CCDC85A: variants seen among roughly 807,000 people sequenced by gnomAD.
CCDC85A encodes coiled-coil domain-containing protein 85A.
In CCDC85A, 38 loss-of-function variants were observed where a neutral mutation model predicts 50.2. The ratio of observed to expected loss-of-function variants is 0.76; its 90% CI spans 0.58 to 0.99. The LOEUF (loss-of-function observed/expected upper bound fraction) is 0.99, where lower values mean the gene tolerates loss of function less well. CCDC85A is among the 50% of genes least tolerant of loss of function. The probability of loss-of-function intolerance (pLI) is 0.00; values close to 1 mark genes in which losing one functional copy is unlikely to be tolerated. For synonymous variants in CCDC85A, 366 were observed against 301.4 expected, an observed-to-expected ratio of 1.21 and a Z score of -2.22; for missense variants, 820 against 742.0, an observed-to-expected ratio of 1.11 and a Z score of -1.22.
At chr2:56,337,751 A>C (rs947904948) in intron 2 of CCDC85A, among the ~76,000 whole-genome samples, 1 of 148,630 alleles carries the variant, frequency 6.7e-6, no homozygotes, top group African/African-American at 2.5e-5. Context: ...TTTTCTCCCA[A>C]CTGCTTATAA....
At chr2:56,222,310 T>G (rs1008386548) in intron 2 of CCDC85A, among the ~76,000 whole-genome samples, 1 of 152,160 alleles carries the variant, frequency 6.6e-6, no homozygotes, top group Non-Finnish European at 1.5e-5. Context: ...AAATTTTTAA[T>G]TGACATTGTA....
At chr2:56,350,370 A>C (rs1674856562) in intron 3 of CCDC85A, among the ~76,000 whole-genome samples, 1 of 152,108 alleles carries the variant, frequency 6.6e-6, no homozygotes, top group South Asian at 2.1e-4. Context: ...TAGGAGTTCA[A>C]GACCAGCCTG....
At chr2:56,349,219 T>C (rs1045311102) in intron 3 of CCDC85A, among the ~76,000 whole-genome samples, 1 of 152,124 alleles carries the variant, frequency 6.6e-6, no homozygotes, top group Non-Finnish European at 1.5e-5. Flanking sequence ...GGAGTCATAC[T>C]TGGGAAAAAA....
intron 2 of CCDC85A, among the ~76,000 whole-genome samples, chr2:56,315,429 G>A (rs1222897983): frequency 6.6e-6 from 1 of 152,092 alleles, no homozygotes; most frequent in African/African-American, 2.4e-5. Context: ...TAATAATTTT[G>A]AGACTGAAAA....
At chr2:56,195,761 C>G (rs1049821891) in intron 2 of CCDC85A, among the ~76,000 whole-genome samples, 1 of 152,078 alleles carries the variant, frequency 6.6e-6, no homozygotes, top group Non-Finnish European at 1.5e-5. Context: ...TGACTCATTT[C>G]CAGAGTCATT....
At chr2:56,197,806 A>C (rs1676586580) in intron 2 of CCDC85A, among the ~76,000 whole-genome samples, 1 of 152,220 alleles carries the variant, frequency 6.6e-6, no homozygotes, top group African/African-American at 2.4e-5. Flanking sequence ...ATATGGGTTG[A>C]AAATTTGTGT....
At chr2:56,361,424 C>T (rs918501869) in intron 3 of CCDC85A, among the ~76,000 whole-genome samples, 1 of 152,162 alleles carries the variant, frequency 6.6e-6, no homozygotes, top group African/African-American at 2.4e-5. Context: ...GCCTCTGTCT[C>T]ATGCAGCTTA....
intron 2 of CCDC85A, among the ~76,000 whole-genome samples, chr2:56,320,402 TAAAGAA>T (rs1240848809): frequency 6.6e-6 from 1 of 151,408 alleles, no homozygotes; most frequent in Non-Finnish European, 1.5e-5. Context: ...GCAAGACTAA[TAAAGAA>T]GAAAAGAGAG....
intron 2 of CCDC85A, among the ~76,000 whole-genome samples, chr2:56,331,707 A>G (rs1464265415): frequency 6.6e-6 from 1 of 152,224 alleles, no homozygotes; most frequent in Non-Finnish European, 1.5e-5. Flanking sequence ...AGAAAATACT[A>G]AATGAAACAA....
At position 56,244,967 on chromosome 2, in the gene CCDC85A, T is replaced by C. The variant is rs1669434408; in HGVS notation, c.1240+51527T>C. Among the ~76,000 whole-genome samples the C allele has an allele frequency of 2.0e-5, 3 of 151,918 alleles. No individual in the cohort carries two copies. In the South Asian group the frequency reaches 6.2e-4, roughly 32 times the overall value. On this transcript the variant is annotated intron_variant, in intron 2 of 5. Transcript: ENST00000407595. ...TTCAGAACAAAGTCCTGTTTACTCTTCCTTCTCCTCTCCTCAAGCAGAAGG... is the reference window on the plus strand; with the variant it reads ...TTCAGAACAAAGTCCTGTTTACTCTCCCTTCTCCTCTCCTCAAGCAGAAGG...
At chr2:56,251,016 G>T (rs1473401274) in intron 2 of CCDC85A, among the ~76,000 whole-genome samples, 1 of 151,812 alleles carries the variant, frequency 6.6e-6, no homozygotes, top group Non-Finnish European at 1.5e-5. Flanking sequence ...TTGTGTGTCT[G>T]TGTTTTCCAT....
At position 56,270,976 on chromosome 2, in the gene CCDC85A, C is replaced by T. The variant is rs1407376003; in HGVS notation, c.1241-71903C>T. On this transcript the variant is annotated intron_variant, in intron 2 of 5. Transcript: ENST00000407595. Reference sequence around the variant, plus strand: ...GCTGTATTATTTCATCAAATCCTAACAACTTTTGAATTAGGATTTATATTA... The same window carrying T: ...GCTGTATTATTTCATCAAATCCTAATAACTTTTGAATTAGGATTTATATTA... Among the ~76,000 whole-genome samples, 3 of 152,264 alleles carry T rather than the reference C, an allele frequency of 2.0e-5. No homozygotes were observed. The South Asian group carries it at 6.2e-4, about 32-fold the overall frequency.
chr2:56,191,915 T>A (rs2103822628), intron 1 of CCDC85A, among the ~76,000 whole-genome samples: 1 of 152,352 alleles, frequency 6.6e-6, no homozygotes, highest in African/African-American at 2.4e-5. Flanking sequence ...GTCTGTTGTC[T>A]CAGGGCTTTT....
chr2:56,261,145 C>T (rs1670200114), intron 2 of CCDC85A, among the ~76,000 whole-genome samples: 1 of 152,154 alleles, frequency 6.6e-6, no homozygotes, highest in Non-Finnish European at 1.5e-5. Flanking sequence ...GCAACTTTCT[C>T]ATCTCTTAAG....
At chr2:56,374,335 A>C (rs1245164807) in intron 4 of CCDC85A, among the ~76,000 whole-genome samples, 1 of 152,342 alleles carries the variant, frequency 6.6e-6, no homozygotes, top group East Asian at 1.9e-4. Flanking sequence ...TTGAGGACAT[A>C]GGAGAAATGA....
rs574531091 is a variant in CCDC85A, at chr2:56,277,020, C to T, written c.1241-65859C>T. 3.2e-4 allele frequency among the ~76,000 whole-genome samples: 48 copies of T among 152,280 alleles called. No homozygotes were observed. In the South Asian group the frequency reaches 9.9e-3, roughly 32 times the overall value. On this transcript the variant is annotated intron_variant, in intron 2 of 5. Transcript: ENST00000407595. The stretch of plus-strand genomic sequence containing the variant: ...GTCTCCCAATCCTCCAAGAACAGGC[C>T]AGCTCTAAACTGCTTTGAGCTGCTG...
At chr2:56,360,232 C>T (rs1490068153) in intron 3 of CCDC85A, among the ~76,000 whole-genome samples, 1 of 152,208 alleles carries the variant, frequency 6.6e-6, no homozygotes, top group African/African-American at 2.4e-5. Flanking sequence ...ATTTTCAAGC[C>T]TCTCTGTAGC....
chr2:56,225,541 G>A (rs1487628700), intron 2 of CCDC85A, among the ~76,000 whole-genome samples: 1 of 152,104 alleles, frequency 6.6e-6, no homozygotes, highest in African/African-American at 2.4e-5. Flanking sequence ...TACTGTACCT[G>A]TGTAGTAAGT....
At chr2:56,350,838 T>TTTTA (rs1212336780) in intron 3 of CCDC85A, among the ~76,000 whole-genome samples, 3 of 151,010 alleles carry the variant, frequency 2.0e-5, no homozygotes, top group Admixed American at 6.6e-5. Flanking sequence ...TCAGTTTCTT[T>TTTTA]TTTATTTATT....
Sources: gnomAD v4.1 joint callset for allele counts (sites outside exome capture counted in the v4.1 genomes callset) on GRCh38, gnomAD v4.1.1 for gene constraint, MANE v1.5 for transcripts, NCBI Gene and HGNC (gene_info 2026-07-23, HGNC 2026-07-21) for gene names.